Variants in NACC2 observed in about 807,000 individuals in gnomAD.
The protein encoded by NACC2 is NACC family member 2.
In NACC2, 8 loss-of-function variants were observed where a neutral mutation model predicts 25.1. That is an observed-to-expected ratio of 0.32 (90% confidence interval 0.19 to 0.57). The LOEUF is 0.57. NACC2 is among the 20% of genes least tolerant of loss of function. NACC2 has a pLI of 0.89. For synonymous variants in NACC2, 435 were observed against 294.7 expected (o/e 1.48, Z -4.88); for missense variants, 644 against 650.2 (o/e 0.99, Z 0.10).
At chr9:136,030,336 G>A (rs187054215) in intron 2 of NACC2, among the ~76,000 whole-genome samples, 40 of 152,198 alleles carry the variant, frequency 2.6e-4, no homozygotes, top group African/African-American at 6.0e-4. Flanking sequence ...GAGGCCGGGC[G>A]CGGTGGCTCA....
At chr9:136,089,542 T>C (rs1225617522) in intron 1 of NACC2, among the ~76,000 whole-genome samples, 1 of 151,404 alleles carries the variant, frequency 6.6e-6, no homozygotes, top group Non-Finnish European at 1.5e-5. Flanking sequence ...TGGGGGCCTC[T>C]CCCCAAGAAG....
intron 2 of NACC2, among the ~76,000 whole-genome samples, chr9:136,040,058 T>C (rs965712024): frequency 3.9e-5 from 6 of 152,110 alleles, no homozygotes; most frequent in Non-Finnish European, 8.8e-5. Flanking sequence ...AAACCAACTT[T>C]ATTCCAGCTG....
In NACC2 at chr9:136,022,002, A is replaced by G. The variant is rs1012869602; in HGVS notation, c.887-5573T>C. On this transcript the variant is annotated intron_variant, in intron 2 of 5. Transcript: ENST00000277554. The surrounding 1 kb of genome is among the most constrained non-coding windows in gnomAD (Gnocchi z 4.4). Reference sequence around the variant, plus strand: ...GCGAGGGAGCCATTGTGAATGAGGAAAGGTCGGGCTACACACCTGTCCCCA... The same window carrying G: ...GCGAGGGAGCCATTGTGAATGAGGAGAGGTCGGGCTACACACCTGTCCCCA... Among the ~76,000 whole-genome samples, 1 of 152,102 alleles carries G rather than the reference A, an allele frequency of 6.6e-6. No individual in the cohort carries two copies. The highest frequency in any genetic ancestry group is 1.5e-5 in the Non-Finnish European group (1 of 68,014).
chr9:136,036,576 C>A (rs1840558063), intron 2 of NACC2, among the ~76,000 whole-genome samples: 1 of 151,978 alleles, frequency 6.6e-6, no homozygotes. Flanking sequence ...CGTATATTAG[C>A]TGACAACTGG....
intron 1 of NACC2, among the ~76,000 whole-genome samples, chr9:136,078,128 C>G (rs886583926): frequency 6.6e-6 from 1 of 152,184 alleles, no homozygotes; most frequent in Non-Finnish European, 1.5e-5. Context: ...AATCCATGCA[C>G]GAGTTTACAG....
chr9:136,017,847 G>T (rs910650437), intron 2 of NACC2, among the ~76,000 whole-genome samples: 1 of 152,186 alleles, frequency 6.6e-6, no homozygotes, highest in African/African-American at 2.4e-5. Context: ...ACACCCTACC[G>T]AGCGCAAGGC....
Position 136,092,887 on chromosome 9 carries a change from G to A in NACC2, c.-60+2302C>T, listed in dbSNP as rs369708109. 1.1e-4 allele frequency among the ~76,000 whole-genome samples: 16 copies of A among 152,328 alleles called. No individual in the cohort carries two copies. In the East Asian group the frequency reaches 1.4e-3, roughly 13 times the overall value. On this transcript the variant is annotated intron_variant, in intron 1 of 5. Coordinates refer to ENST00000277554, the MANE Select transcript of NACC2 (RefSeq NM_144653.5). ...AACTGGATCTCGGAACCCACTGCGT[G>A]ACCCTGCAAAGGGGATGGAGTGACC...
In NACC2 at chr9:136,007,323, T is replaced by C. The variant is rs879594587; in HGVS notation, c.*4193A>G. 5.2e-5 allele frequency: 8 copies of C among 153,766 alleles called. No homozygotes were observed. The highest frequency in any genetic ancestry group is 9.6e-5 in the African/African-American group (4 of 41,460). The allele number at this position is 153,766 out of a possible 1,614,324, so 9.5% of individuals were successfully genotyped here. On this transcript the variant is annotated 3_prime_UTR_variant, in exon 6 of 6. Transcript: ENST00000277554. ...CCATCTTGTACCAAACCCTAAATGC[T>C]CCGGTGGTGACGTGCACGCGCGTGC...
At chr9:136,087,149 A>G (rs1286363802) in intron 1 of NACC2, among the ~76,000 whole-genome samples, 1 of 152,252 alleles carries the variant, frequency 6.6e-6, no homozygotes, top group Non-Finnish European at 1.5e-5. Context: ...GGCCCAGGAC[A>G]GTGGCAGCCT....
intron 2 of NACC2, among the ~76,000 whole-genome samples, chr9:136,027,778 C>T (rs1424833910): frequency 6.6e-6 from 1 of 152,068 alleles, no homozygotes; most frequent in East Asian, 1.9e-4. Flanking sequence ...TATCAATGAT[C>T]TACAGATCTC....
At chr9:136,023,369 C>T (rs144705338) in intron 2 of NACC2, among the ~76,000 whole-genome samples, 1,881 of 152,092 alleles carry the variant, frequency 0.012, 35 homozygotes, top group Middle Eastern at 0.024. Flanking sequence ...TCTCGGAGAA[C>T]GTGGGATCCC....
In NACC2 at chr9:136,013,699, C is replaced by CT. The variant is rs1177940292; in HGVS notation, c.1157+164dup. 6.6e-6 allele frequency among the ~76,000 whole-genome samples: 1 copy of CT among 152,184 alleles called. No homozygotes were observed. Among genetic ancestry groups the CT allele is most frequent in the African/African-American group, 2.4e-5 (1 of 41,442 alleles). ...CGAAAGACAGCCCCTCCCTCCCTCC[C>CT]TGGGAGCCTCTCCACCGTCCTGGGG... On this transcript the variant is annotated intron_variant, in intron 4 of 5. Transcript: ENST00000277554. The surrounding 1 kb of genome is among the most constrained non-coding windows in gnomAD (Gnocchi z 6.6).
chr9:136,066,501 A>C (rs1369403027), intron 1 of NACC2, among the ~76,000 whole-genome samples: 2 of 152,222 alleles, frequency 1.3e-5, no homozygotes, highest in Non-Finnish European at 2.9e-5. Flanking sequence ...GACAGAAAAC[A>C]AAGGTTGGTG....
intron 2 of NACC2, among the ~76,000 whole-genome samples, chr9:136,028,309 G>C (rs1158853526): frequency 2.0e-5 from 3 of 151,738 alleles, no homozygotes; most frequent in African/African-American, 7.3e-5. Flanking sequence ...GAGGGCCAGA[G>C]AGTAAATACT....
intron 1 of NACC2, among the ~76,000 whole-genome samples, chr9:136,069,909 G>GA (rs1390412827): frequency 6.6e-6 from 1 of 151,848 alleles, no homozygotes; most frequent in Non-Finnish European, 1.5e-5. Flanking sequence ...GAACTAGATA[G>GA]AAAATCAGCA....
chr9:136,035,118 A>G (rs1479743960), intron 2 of NACC2, among the ~76,000 whole-genome samples: 1 of 152,046 alleles, frequency 6.6e-6, no homozygotes, highest in Non-Finnish European at 1.5e-5. Context: ...AACCAATCCT[A>G]TTTGCACCCA....
At chr9:136,033,619 A>AG (rs1177608563) in intron 2 of NACC2, among the ~76,000 whole-genome samples, 2 of 140,232 alleles carry the variant, frequency 1.4e-5, no homozygotes, top group Admixed American at 7.6e-5. Flanking sequence ...ACTGCACTCC[A>AG]GCCCGGGGGA....
chr9:136,041,438 AAAG>A (rs1840631522), intron 2 of NACC2, among the ~76,000 whole-genome samples: 1 of 152,022 alleles, frequency 6.6e-6, no homozygotes, highest in African/African-American at 2.4e-5. Context: ...AAAAAGAAAT[AAAG>A]AAAAAAATGA....
At chr9:136,032,433 A>T (rs12377357) in intron 2 of NACC2, among the ~76,000 whole-genome samples, 38,789 of 152,186 alleles carry the variant, frequency 0.25, 6,285 homozygotes, top group Non-Finnish European at 0.37. Context: ...CCTTAATCTG[A>T]TAAAATGTAT....
Sources: gnomAD v4.1 joint callset for allele counts (sites outside exome capture counted in the v4.1 genomes callset) on GRCh38, gnomAD v4.1.1 for gene constraint, Gnocchi (gnomAD v3.1) non-coding constraint, MANE v1.5 for transcripts, NCBI Gene and HGNC (gene_info 2026-07-23, HGNC 2026-07-21) for gene names.